Variants in ADGRG1 observed in about 807,000 individuals in gnomAD.
The protein encoded by ADGRG1 is adhesion G protein-coupled receptor G1.
A neutral mutation model predicts 73.5 loss-of-function variants in ADGRG1; 53 were observed. The observed-to-expected ratio is 0.72, with a 90% CI of 0.58 to 0.91. The LOEUF is 0.91. Ranked by LOEUF, ADGRG1 falls within the 40% of genes least tolerant of loss-of-function variation. The pLI, the probability that ADGRG1 is intolerant of heterozygous loss-of-function variation, is 0.00. For synonymous variants in ADGRG1, 394 were observed against 374.4 expected (o/e 1.05, Z -0.60); for missense variants, 795 against 871.8 (o/e 0.91, Z 1.11).
Position 57,661,978 on chromosome 16 carries a change from C to A in ADGRG1, c.1933+13C>A, listed in dbSNP as rs1285283687. ...ACCTCCTTCCAAGGTAAGGAGAAGA[C>A]CCGTCCCTTGGCCCAGGCAGGGTGT... On this transcript the variant is annotated intron_variant, in intron 13 of 13. Coordinates refer to ENST00000562631, the MANE Select transcript of ADGRG1 (RefSeq NM_201525.4). The A allele has an allele frequency of 1.9e-6, 3 of 1,603,172 alleles. No homozygotes were observed. Among genetic ancestry groups the A allele is most frequent in the Non-Finnish European group, 1.7e-6 (2 of 1,169,946 alleles).
intron 11 of ADGRG1, chr16:57,660,127 A>T (rs1000011435): frequency 8.9e-6 from 3 of 338,274 alleles, no homozygotes; most frequent in Non-Finnish European, 1.3e-5. Context: ...ATGACTGTTC[A>T]ATTCACCTGT....
In ADGRG1 at chr16:57,665,370, C is replaced by T. The variant is rs1220178985; in HGVS notation, c.*1788C>T. The T allele has an allele frequency of 1.3e-5, 2 of 152,180 alleles. No individual in the cohort carries two copies. Among genetic ancestry groups the T allele is most frequent in the African/African-American group, 4.8e-5 (2 of 41,436 alleles). The allele number at this position is 152,180 out of a possible 1,614,324, so 9.4% of individuals were successfully genotyped here. ...GATGAGGGCCCATGTAGCCAGACCA[C>T]CTGCCTTTTATGAGAAATGGGAAAT... On this transcript the variant is annotated 3_prime_UTR_variant, in exon 14 of 14. Transcript: ENST00000562631.
At chr16:57,660,059 G>C (rs2046706885) in intron 11 of ADGRG1, among the ~76,000 whole-genome samples, 1 of 152,196 alleles carries the variant, frequency 6.6e-6, no homozygotes, top group Non-Finnish European at 1.5e-5. Context: ...CCTGCCTCAG[G>C]ATCCCCCTGG....
In ADGRG1 at chr16:57,661,700, C is replaced by G; in HGVS notation, c.1668C>G (p.Cys556Trp). Residue 556 changes from cysteine (C) to tryptophan (W), a missense_variant, in exon 13 of 14, where the codon TGC becomes TGG. Coordinates refer to ENST00000562631, the MANE Select transcript of ADGRG1 (RefSeq NM_201525.4). ...GCCCTCCTGCCTTTGCCCGCAGGTGCTGGATCCGGGACTCCCTGGTCAGCT... is the reference window on the plus strand; with the variant it reads ...GCCCTCCTGCCTTTGCCCGCAGGTGGTGGATCCGGGACTCCCTGGTCAGCT... ...TPEGVIYPSM[C>W]WIRDSLVSYI... The G allele has an allele frequency of 6.2e-7, 1 of 1,613,358 alleles. No homozygotes were observed. The highest frequency in any genetic ancestry group is 8.5e-7 in the Non-Finnish European group (1 of 1,179,670).
Position 57,663,607 on chromosome 16 carries a change from A to G in ADGRG1, c.*25A>G, listed in dbSNP as rs745765685. 1 of 1,610,640 alleles carries G rather than the reference A, an allele frequency of 6.2e-7. No homozygotes were observed. The highest frequency in any genetic ancestry group is 8.5e-7 in the Non-Finnish European group (1 of 1,179,582). On this transcript the variant is annotated 3_prime_UTR_variant, in exon 14 of 14. Coordinates refer to ENST00000562631, the MANE Select transcript of ADGRG1 (RefSeq NM_201525.4). ...GGCCTCCAGCCCACCTGCCCATGTG[A>G]TGAAGCAGAGATTCGGCCTCGTCGC...
At position 57,656,517 on chromosome 16, in the gene ADGRG1, G is replaced by A. The variant is rs1393938112; in HGVS notation, c.1067G>A (p.Ser356Asn). 1 of 1,611,064 alleles carries A rather than the reference G, an allele frequency of 6.2e-7. No homozygotes were observed. Among genetic ancestry groups the A allele is most frequent in the East Asian group, 2.2e-5 (1 of 44,860 alleles). Residue 356 changes from serine (S) to asparagine (N), a missense_variant, in exon 9 of 14, where the codon AGC becomes AAC. Coordinates refer to ENST00000562631, the MANE Select transcript of ADGRG1 (RefSeq NM_201525.4). ...CVFWVEDPTL[S>N]SPGHWSSAGC... ...CCCCGTGCTGTCCCCTCCTCAGTGAGCAGCCCGGGGCATTGGAGCAGTGCT... is the reference window on the plus strand; with the variant it reads ...CCCCGTGCTGTCCCCTCCTCAGTGAACAGCCCGGGGCATTGGAGCAGTGCT...
At chr16:57,637,277 G>T in intron 1 of ADGRG1, 1 of 983,106 alleles carries the variant, frequency 1.0e-6, no homozygotes, top group Non-Finnish European at 1.2e-6. Flanking sequence ...TAGGTGTGAA[G>T]TAAGACAGTG....
chr16:57,626,036 G>A (rs1352673065), upstream of ADGRG1, among the ~76,000 whole-genome samples: 10 of 152,150 alleles, frequency 6.6e-5, no homozygotes, highest in South Asian at 1.2e-3. Context: ...CCTGTACCTC[G>A]GTTCCCCTTC....
intron 1 of ADGRG1, chr16:57,643,231 A>C (rs1393349052): frequency 6.6e-6 from 1 of 152,236 alleles, no homozygotes; most frequent in Non-Finnish European, 1.5e-5. Context: ...CAGTGTGTGC[A>C]AAGGCTTGGA....
intron 3 of ADGRG1, 70 bp from the exon 4 acceptor site, chr16:57,653,133 G>C: frequency 6.3e-7 from 1 of 1,598,012 alleles, no homozygotes; most frequent in Non-Finnish European, 8.5e-7. Flanking sequence ...AGGGTGGTAG[G>C]GGGCAGAATG....
intron 3 of ADGRG1, chr16:57,652,899 T>C (rs1288756595): frequency 1.6e-6 from 2 of 1,247,778 alleles, no homozygotes; most frequent in African/African-American, 3.1e-5. Context: ...GAGGCCTGGC[T>C]GGGCCCTCTC....
At chr16:57,645,324 T>TTGCCTCCGGGGCTCCCTCG (rs2042328869) in intron 1 of ADGRG1, 1 of 985,218 alleles carries the variant, frequency 1.0e-6, no homozygotes, top group African/African-American at 1.7e-5. Context: ...AACCTGGAGA[T>TTGCCTCCGGGGCTCCCTCG]TGCCTCCGGG....
chr16:57,665,172 A>T lies in ADGRG1; in HGVS notation c.*1590A>T, dbSNP rs1225135878. 1 of 152,042 alleles carries T rather than the reference A, an allele frequency of 6.6e-6. No homozygotes were observed. Among genetic ancestry groups the T allele is most frequent in the East Asian group, 1.9e-4 (1 of 5,192 alleles). The allele number at this position is 152,042 out of a possible 1,614,324, so 9.4% of individuals were successfully genotyped here. A position where few individuals can be genotyped will look rare whatever the true frequency, so the allele number is the denominator to read the frequency against. On this transcript the variant is annotated 3_prime_UTR_variant, in exon 14 of 14. Transcript: ENST00000562631. ...GGGCTGTGTGTGAAGAAAAAAAAAAAATCGACTGCTGGAAACCTCATCAAC... is the reference window on the plus strand; with the variant it reads ...GGGCTGTGTGTGAAGAAAAAAAAAATATCGACTGCTGGAAACCTCATCAAC...
intron 1 of ADGRG1, chr16:57,644,146 C>G (rs2041599836): frequency 3.1e-6 from 3 of 982,850 alleles, no homozygotes; most frequent in Non-Finnish European, 3.6e-6. Flanking sequence ...GAAGTCTGTT[C>G]CTCTGAGGAG....
At chr16:57,630,185 C>A in intron 1 of ADGRG1, 1 of 393,012 alleles carries the variant, frequency 2.5e-6, no homozygotes, top group Non-Finnish European at 3.5e-6. Flanking sequence ...CTGCCCCTCC[C>A]AGAGGATAGC....
chr16:57,636,616 TTCTATCAGGAATGGCTATCTAGTA>T (rs2039440215), intron 1 of ADGRG1: 2 of 985,082 alleles, frequency 2.0e-6, no homozygotes, highest in African/African-American at 3.5e-5. Context: ...CTTCTAGATC[TTCTATCAGGAATGGCTATCTAGTA>T]TCTATCAGGA....
At chr16:57,662,488 G>A (rs1224551358) in intron 13 of ADGRG1, among the ~76,000 whole-genome samples, 1 of 152,168 alleles carries the variant, frequency 6.6e-6, no homozygotes, top group East Asian at 1.9e-4. Flanking sequence ...TGGAAACGCA[G>A]CCTCTGGGCC....
At chr16:57,652,924 A>T in intron 3 of ADGRG1, 1 of 1,298,718 alleles carries the variant, frequency 7.7e-7, no homozygotes, top group Non-Finnish European at 9.9e-7. Context: ...CCGTGTGTGT[A>T]GCCGAAGGTG....
At chr16:57,642,489 C>T (rs2041102495) in intron 1 of ADGRG1, 1 of 985,032 alleles carries the variant, frequency 1.0e-6, no homozygotes, top group Admixed American at 6.1e-5. Context: ...AGCTTTTTTC[C>T]ATGTGGATAA....
Sources: gnomAD v4.1 joint callset for allele counts (sites outside exome capture counted in the v4.1 genomes callset) on GRCh38, gnomAD v4.1.1 for gene constraint, MANE v1.5 for transcripts, NCBI Gene and HGNC (gene_info 2026-07-23, HGNC 2026-07-21) for gene names.